WARS2: variants seen among roughly 807,000 people sequenced by gnomAD.
The protein encoded by WARS2 is tryptophan--tRNA ligase, mitochondrial.
WARS2 carries 28 observed loss-of-function variants against 36.5 expected under a neutral mutation model. That is an observed-to-expected ratio of 0.77 (90% CI 0.57 to 1.05). The LOEUF is 1.05. WARS2 is among the 50% of genes least tolerant of loss of function. WARS2 has a pLI of 0.00. For synonymous variants in WARS2, 174 were observed against 178.4 expected (o/e 0.98, Z 0.20); for missense variants, 435 against 456.8 (o/e 0.95, Z 0.44).
intron 1 of WARS2, among the ~76,000 whole-genome samples, chr1:119,114,686 T>C (rs1654854968): frequency 6.6e-6 from 1 of 152,222 alleles, no homozygotes; most frequent in Non-Finnish European, 1.5e-5. Context: ...GTAATTTTCA[T>C]GGGTAGGATT....
intron 1 of WARS2, among the ~76,000 whole-genome samples, chr1:119,081,923 TC>T (rs1307417284): frequency 6.6e-6 from 1 of 151,972 alleles, no homozygotes; most frequent in Non-Finnish European, 1.5e-5. Context: ...CACTGGAGAG[TC>T]CAGGTCTGTT....
Position 119,035,789 on chromosome 1 carries a change from T to C in WARS2, c.516-1576A>G, listed in dbSNP as rs150410654. On this transcript the variant is annotated intron_variant, in intron 4 of 5. Transcript: ENST00000235521. ...AGGTAATCCCAAAATATAAATGGTA[T>C]GTTACAGGAATTCTGAGAGCTCTTT... 2.3e-3 allele frequency among the ~76,000 whole-genome samples: 343 copies of C among 152,272 alleles called. 1 individual carries two copies. Among genetic ancestry groups the C allele is most frequent in the African/African-American group, 7.6e-3 (317 of 41,542 alleles).
intron 1 of WARS2, among the ~76,000 whole-genome samples, chr1:119,128,267 T>C (rs1030196584): frequency 1.3e-5 from 2 of 151,984 alleles, no homozygotes; most frequent in African/African-American, 4.8e-5. Flanking sequence ...GTACAGATCG[T>C]GTTTCACTAT....
intron 1 of WARS2, among the ~76,000 whole-genome samples, chr1:119,088,709 C>T (rs1652843778): frequency 6.6e-6 from 1 of 152,116 alleles, no homozygotes; most frequent in Non-Finnish European, 1.5e-5. Context: ...TCTTCGATGG[C>T]TAGGTAGACT....
At chr1:119,101,246 AC>A (rs2101457264) in intron 1 of WARS2, among the ~76,000 whole-genome samples, 1 of 152,318 alleles carries the variant, frequency 6.6e-6, no homozygotes, top group East Asian at 1.9e-4. Flanking sequence ...TATACGTGTA[AC>A]AAAATTTCAC....
At chr1:119,085,903 C>T (rs1652619767) in intron 1 of WARS2, 6 of 1,610,440 alleles carry the variant, frequency 3.7e-6, no homozygotes, top group Non-Finnish European at 3.4e-6. Flanking sequence ...CCAAGCTGGA[C>T]CTCTCGCTCA....
At chr1:119,066,433 A>G (rs765255106) in intron 2 of WARS2, among the ~76,000 whole-genome samples, 46 of 147,890 alleles carry the variant, frequency 3.1e-4, no homozygotes, top group South Asian at 8.9e-4. Context: ...AGCTGAGATC[A>G]TGCCATTGCA....
chr1:119,060,760 C>A (rs977675706), intron 2 of WARS2, among the ~76,000 whole-genome samples: 11 of 152,150 alleles, frequency 7.2e-5, no homozygotes, highest in Non-Finnish European at 1.6e-4. Context: ...TCCTCAGTTG[C>A]AGACATAAAA....
chr1:119,103,963 TAAAAATATATTTTTAAAATA>T (rs941159963), intron 1 of WARS2, among the ~76,000 whole-genome samples: 7 of 150,558 alleles, frequency 4.6e-5, no homozygotes, highest in South Asian at 2.1e-4. Flanking sequence ...TATTTTTAAT[TAAAAATATATTTTTAAAATA>T]AAAAATATAT....
At position 119,140,554 on chromosome 1, in the gene WARS2, C is replaced by T; in HGVS notation, c.90+1G>A. 1.2e-6 allele frequency: 2 copies of T among 1,613,070 alleles called. No individual in the cohort carries two copies. Among genetic ancestry groups the T allele is most frequent in the African/African-American group, 1.3e-5 (1 of 75,042 alleles). ...CGGAGGGAAGGGCCGTCTTTGGTTA[C>T]CTGGAGAGCGGGAGCAGCTGCGGAT... On this transcript the variant is annotated splice_donor_variant, in intron 1 of 5. Coordinates refer to ENST00000235521, the MANE Select transcript of WARS2 (RefSeq NM_015836.4). LOFTEE classifies it high-confidence loss of function.
chr1:119,049,054 G>A (rs1263506585), intron 2 of WARS2, among the ~76,000 whole-genome samples: 2 of 152,014 alleles, frequency 1.3e-5, no homozygotes, highest in Non-Finnish European at 2.9e-5. Context: ...CGTGGGCAAC[G>A]GAGCGAGACT....
chr1:119,036,646 T>C (rs891736650), intron 4 of WARS2, among the ~76,000 whole-genome samples: 1 of 152,210 alleles, frequency 6.6e-6, no homozygotes, highest in African/African-American at 2.4e-5. Flanking sequence ...AAAATGAATA[T>C]TTCCACATGT....
At chr1:119,085,312 T>C (rs2101374092) in intron 1 of WARS2, 1 of 1,218,934 alleles carries the variant, frequency 8.2e-7, no homozygotes, top group Non-Finnish European at 1.2e-6. Context: ...CGCCCCTCCC[T>C]GGGCACTGAC....
chr1:119,063,726 G>A (rs1410612023), intron 2 of WARS2: 1 of 152,212 alleles, frequency 6.6e-6, no homozygotes, highest in African/African-American at 2.4e-5. Context: ...GCTTCCATGT[G>A]GTGTTGAGCC....
rs587720694 is a variant in WARS2, at chr1:119,121,813, A to G, written c.90+18742T>C. Reference sequence around the variant, plus strand: ...GAGGAAAGGACACCCTATTCAACAAATGATGCTGGGATAATTGGCAAGCCA... The same window carrying G: ...GAGGAAAGGACACCCTATTCAACAAGTGATGCTGGGATAATTGGCAAGCCA... On this transcript the variant is annotated intron_variant, in intron 1 of 5. Transcript: ENST00000235521. 3.0e-4 allele frequency among the ~76,000 whole-genome samples: 46 copies of G among 152,304 alleles called. 1 individual carries two copies. Among genetic ancestry groups the G allele is most frequent in the African/African-American group, 9.6e-4 (40 of 41,588 alleles).
chr1:119,066,096 C>T (rs1360777791), intron 2 of WARS2, among the ~76,000 whole-genome samples: 1 of 151,874 alleles, frequency 6.6e-6, no homozygotes, highest in African/African-American at 2.4e-5. Flanking sequence ...AAGCATACAA[C>T]CATAAAGGAA....
chr1:119,092,874 T>G (rs1405719896), intron 1 of WARS2, among the ~76,000 whole-genome samples: 1 of 152,196 alleles, frequency 6.6e-6, no homozygotes, highest in African/African-American at 2.4e-5. Flanking sequence ...ATCAGGGATG[T>G]TTCTCAATAC....
chr1:119,086,003 A>G, intron 1 of WARS2: 1 of 1,587,220 alleles, frequency 6.3e-7, no homozygotes, highest in African/African-American at 1.3e-5. Context: ...CAGGCAAGGC[A>G]GTGTGGCACA....
At chr1:119,042,051 C>G (rs889227369) in intron 4 of WARS2, among the ~76,000 whole-genome samples, 2 of 152,280 alleles carry the variant, frequency 1.3e-5, no homozygotes, top group South Asian at 2.1e-4. Flanking sequence ...TTATTAGTTT[C>G]TCACAGAAAC....
Sources: gnomAD v4.1 joint callset for allele counts (sites outside exome capture counted in the v4.1 genomes callset) on GRCh38, gnomAD v4.1.1 for gene constraint, MANE v1.5 for transcripts, NCBI Gene and HGNC (gene_info 2026-07-23, HGNC 2026-07-21) for gene names.